RPS6KC1: variants seen among roughly 807,000 people sequenced by gnomAD.
RPS6KC1 encodes ribosomal protein S6 kinase C1, also known as inactive ribosomal protein S6 kinase delta-1.
A neutral mutation model predicts 103.8 loss-of-function variants in RPS6KC1; 54 were observed. The observed-to-expected ratio is 0.52, with a 90% CI of 0.42 to 0.65. The LOEUF is 0.65. RPS6KC1 is among the 30% of genes least tolerant of loss of function. RPS6KC1 has a pLI of 0.00. For missense variants in RPS6KC1, 1,151 were observed against 1,253.8 expected, an observed-to-expected ratio of 0.92 and a Z score of 1.24; for synonymous variants, 439 against 438.7, an observed-to-expected ratio of 1.00 and a Z score of -0.01.
chr1:213,454,209 G>C, the RPS6KC1 span, among the ~76,000 whole-genome samples: 1 of 152,040 alleles, frequency 6.6e-6, no homozygotes, highest in Admixed American at 6.6e-5. Context: ...GAGTCCTTCT[G>C]CCACAGCTGC....
rs530441255 is a variant in RPS6KC1 at position 213,136,450 on chromosome 1, A to T, written c.835+6561A>T. The stretch of plus-strand genomic sequence containing the variant: ...AGGAGTGGATCAAAATGAGGAAGGG[A>T]TGTTAGGCAGAAACAAAAAAAAAAC... On this transcript the variant is annotated intron_variant, in intron 6 of 14. Transcript: ENST00000366960. 3.3e-3 allele frequency among the ~76,000 whole-genome samples: 503 copies of T among 151,876 alleles called. 1 individual carries two copies. Among genetic ancestry groups the T allele is most frequent in the African/African-American group, 0.012 (484 of 41,288 alleles).
chr1:213,708,762 C>T, the RPS6KC1 span, among the ~76,000 whole-genome samples: 20 of 151,972 alleles, frequency 1.3e-4, no homozygotes, highest in Admixed American at 7.9e-4. Context: ...TAACATGAAG[C>T]GGTGTTGAAT....
chr1:213,407,869 C>T, the RPS6KC1 span, among the ~76,000 whole-genome samples: 1 of 152,162 alleles, frequency 6.6e-6, no homozygotes, highest in Non-Finnish European at 1.5e-5. Context: ...ACCTGACCTG[C>T]TACAATATAA....
the RPS6KC1 span, among the ~76,000 whole-genome samples, chr1:213,793,533 G>T: frequency 1.3e-5 from 2 of 152,060 alleles, no homozygotes; most frequent in African/African-American, 4.8e-5. Context: ...ACCTTGGGGC[G>T]TCTAATCCAC....
At chr1:213,733,208 G>GT in the RPS6KC1 span, among the ~76,000 whole-genome samples, 1 of 146,720 alleles carries the variant, frequency 6.8e-6, no homozygotes, top group Non-Finnish European at 1.5e-5. Flanking sequence ...CTAGTTTAGG[G>GT]TTTTTTTGTT....
the RPS6KC1 span, among the ~76,000 whole-genome samples, chr1:213,379,544 G>A: frequency 6.6e-6 from 1 of 152,182 alleles, no homozygotes; most frequent in Non-Finnish European, 1.5e-5. Context: ...CCATGATCAT[G>A]GACTTCCAGC....
At chr1:213,674,261 C>T in the RPS6KC1 span, among the ~76,000 whole-genome samples, 1 of 152,150 alleles carries the variant, frequency 6.6e-6, no homozygotes, top group African/African-American at 2.4e-5. Flanking sequence ...TCAGGTGGTC[C>T]ACCCACCTCA....
At chr1:213,799,880 A>G in the RPS6KC1 span, among the ~76,000 whole-genome samples, 1 of 152,180 alleles carries the variant, frequency 6.6e-6, no homozygotes, top group Admixed American at 6.5e-5. Flanking sequence ...GGCTGAAATG[A>G]CATTCTTTTT....
At chr1:213,466,621 T>C in the RPS6KC1 span, among the ~76,000 whole-genome samples, 1 of 152,328 alleles carries the variant, frequency 6.6e-6, no homozygotes, top group African/African-American at 2.4e-5. Flanking sequence ...GAGAAATGAA[T>C]GGATGCTAAA....
At chr1:213,599,614 G>A in the RPS6KC1 span, among the ~76,000 whole-genome samples, 1,002 of 152,322 alleles carry the variant, frequency 6.6e-3, 18 homozygotes, top group African/African-American at 0.023. Context: ...TCTGTCTTTT[G>A]TCTTATTATT....
chr1:213,449,641 G>A, the RPS6KC1 span, among the ~76,000 whole-genome samples: 1 of 152,114 alleles, frequency 6.6e-6, no homozygotes, highest in Admixed American at 6.5e-5. Context: ...ATTTTTGCAG[G>A]ACACAATTCA....
intron 4 of RPS6KC1, among the ~76,000 whole-genome samples, chr1:213,111,863 T>G (rs1453350150): frequency 1.3e-5 from 2 of 152,206 alleles, no homozygotes; most frequent in Non-Finnish European, 2.9e-5. Context: ...AAAAGATGGC[T>G]TAGTCTAGAA....
chr1:213,293,148 G>C, the RPS6KC1 span, among the ~76,000 whole-genome samples: 1 of 152,174 alleles, frequency 6.6e-6, no homozygotes, highest in Admixed American at 6.5e-5. Flanking sequence ...AGCCTGCACT[G>C]GCCTTTCTTT....
At chr1:213,819,899 T>A in the RPS6KC1 span, 1 of 152,206 alleles carries the variant, frequency 6.6e-6, no homozygotes, top group African/African-American at 2.4e-5. Context: ...AAGTCATTTT[T>A]TAATAAGAAT....
chr1:213,777,763 A>T, the RPS6KC1 span, among the ~76,000 whole-genome samples: 4 of 152,254 alleles, frequency 2.6e-5, no homozygotes, highest in African/African-American at 9.6e-5. Flanking sequence ...TTTGTGGGCT[A>T]TTTTTAATTT....
At chr1:213,113,821 T>A (rs1478332441) in intron 4 of RPS6KC1, among the ~76,000 whole-genome samples, 1 of 152,188 alleles carries the variant, frequency 6.6e-6, no homozygotes, top group Non-Finnish European at 1.5e-5. Flanking sequence ...TAGGGAATCC[T>A]TTCCCCGTTG....
At chr1:213,738,178 A>C in the RPS6KC1 span, among the ~76,000 whole-genome samples, 2 of 152,206 alleles carry the variant, frequency 1.3e-5, no homozygotes, top group Admixed American at 1.3e-4. Context: ...TTCAGTTACA[A>C]AAGACATCAG....
chr1:213,781,227 A>G, the RPS6KC1 span, among the ~76,000 whole-genome samples: 4 of 152,330 alleles, frequency 2.6e-5, no homozygotes, highest in East Asian at 1.9e-4. Flanking sequence ...GAAAAGATAA[A>G]AGGCAGATCA....
chr1:213,176,526 A>G (rs1221986294), intron 8 of RPS6KC1, 34 bp downstream of exon 8: 4 of 1,360,572 alleles, frequency 2.9e-6, no homozygotes, highest in African/African-American at 2.8e-5. Flanking sequence ...GAGTTCAGTC[A>G]TAAATCGACT....
Sources: allele counts gnomAD v4.1 joint callset (sites outside exome capture counted in the v4.1 genomes callset), GRCh38; gene constraint gnomAD v4.1.1; transcripts MANE v1.5; gene names NCBI Gene and HGNC (gene_info 2026-07-23, HGNC 2026-07-21).